Variants in RASGRP1 observed in about 807,000 individuals in gnomAD.
The protein encoded by RASGRP1 is RAS guanyl releasing protein 1.
Under a neutral mutation model 95.1 loss-of-function variants are expected in RASGRP1, and 37 were observed. The observed-to-expected ratio is 0.39, with a 90% CI of 0.30 to 0.51. RASGRP1 has a LOEUF of 0.51. RASGRP1 is among the 20% of genes least tolerant of loss of function. RASGRP1 has a pLI of 0.80. For missense variants in RASGRP1, 711 were observed against 965.4 expected (o/e 0.74, Z 3.49); for synonymous variants, 325 against 353.4 (o/e 0.92, Z 0.90).
chr15:38,512,465 G>A (rs1378054522), intron 7 of RASGRP1, among the ~76,000 whole-genome samples: 2 of 152,240 alleles, frequency 1.3e-5, no homozygotes, highest in African/African-American at 4.8e-5. Flanking sequence ...CCTTTCCTTT[G>A]CCATGTGGGC....
At chr15:38,562,393 A>G (rs1214072698) in intron 1 of RASGRP1, among the ~76,000 whole-genome samples, 1 of 152,182 alleles carries the variant, frequency 6.6e-6, no homozygotes, top group African/African-American at 2.4e-5. Flanking sequence ...CCTGGCCACC[A>G]CTGCAGAGAC....
At position 38,518,405 on chromosome 15, in the gene RASGRP1, G is replaced by A; in HGVS notation, c.408C>T (p.Phe136=). Residue 136 remains phenylalanine (F), a synonymous_variant, in exon 5 of 17, where the codon TTC becomes TTT. Coordinates refer to ENST00000310803, the MANE Select transcript of RASGRP1 (RefSeq NM_005739.4). ...TGGCGTCCATTTTAAACATGACCCA[G>A]AATTCTGTTATCCAATACCTACAAG... ...CYFVRYWITE[F]WVMFKMDASL... is the part of the protein sequence containing the mutation. 6.2e-7 allele frequency: 1 copy of A among 1,605,092 alleles called. No homozygotes were observed. Among genetic ancestry groups the A allele is most frequent in the South Asian group, 1.1e-5 (1 of 89,074 alleles).
intron 2 of RASGRP1, among the ~76,000 whole-genome samples, chr15:38,556,626 T>C (rs1426165194): frequency 6.6e-6 from 1 of 152,268 alleles, no homozygotes; most frequent in African/African-American, 2.4e-5. Flanking sequence ...AAGTGCTCTC[T>C]CCTCTGTCCA....
intron 1 of RASGRP1, 35 bp from the exon 2 acceptor site, chr15:38,560,040 G>A (rs757403100): frequency 5.2e-6 from 8 of 1,543,648 alleles, no homozygotes; most frequent in East Asian, 2.3e-5. Context: ...GGGGACAAAC[G>A]GGCAGCTCCA....
At chr15:38,515,450 G>C (rs1202874925) in intron 6 of RASGRP1, among the ~76,000 whole-genome samples, 2 of 152,188 alleles carry the variant, frequency 1.3e-5, no homozygotes, top group African/African-American at 2.4e-5. Context: ...CTGACATGTT[G>C]ACAAGTTCTC....
At chr15:38,510,206 C>G (rs1170125429) in intron 8 of RASGRP1, among the ~76,000 whole-genome samples, 5 of 152,194 alleles carry the variant, frequency 3.3e-5, no homozygotes, top group Non-Finnish European at 7.3e-5. Context: ...GTGGGGGGAC[C>G]CCAAGCTGAA....
intron 9 of RASGRP1, 102 bp downstream of exon 9, chr15:38,507,624 A>T: frequency 7.6e-7 from 1 of 1,315,710 alleles, no homozygotes; most frequent in East Asian, 2.5e-5. Context: ...TCTGCTTCAT[A>T]GAGCCTTTAT....
chr15:38,546,777 G>C (rs1893122090), intron 2 of RASGRP1, among the ~76,000 whole-genome samples: 1 of 152,070 alleles, frequency 6.6e-6, no homozygotes, highest in Non-Finnish European at 1.5e-5. Flanking sequence ...TAATATTCTG[G>C]GGAAGACACA....
rs927232130 is a variant in RASGRP1, at chr15:38,564,721, T to TC, written c.-94dup. The TC allele has an allele frequency of 1.5e-4, 158 of 1,076,720 alleles. No homozygotes were observed. In the African/African-American group the frequency reaches 2.1e-3, roughly 14 times the overall value. 66.7% of individuals were successfully genotyped at this position (1,076,720 alleles called of 1,614,324 possible). On this transcript the variant is annotated 5_prime_UTR_variant, in exon 1 of 17. Coordinates refer to ENST00000310803, the MANE Select transcript of RASGRP1 (RefSeq NM_005739.4). Reference sequence around the variant, plus strand: ...CCACCGCCGCCGCCTGCCGGCTCTCTCCCCCCCGGGCCTCGTAGCCCCGGC... The same window carrying TC: ...CCACCGCCGCCGCCTGCCGGCTCTCTCCCCCCCCGGGCCTCGTAGCCCCGGC...
At chr15:38,552,983 T>C (rs757407958) in intron 2 of RASGRP1, among the ~76,000 whole-genome samples, 1 of 152,216 alleles carries the variant, frequency 6.6e-6, no homozygotes, top group Non-Finnish European at 1.5e-5. Flanking sequence ...TCTGACTACA[T>C]AGTTGGTGGG....
intron 4 of RASGRP1, among the ~76,000 whole-genome samples, chr15:38,518,833 GA>G (rs1891888306): frequency 6.6e-6 from 1 of 152,122 alleles, no homozygotes; most frequent in Non-Finnish European, 1.5e-5. Context: ...AGTCTTTAAT[GA>G]CTAGAGAAGA....
chr15:38,515,847 T>C (rs1241690531), intron 6 of RASGRP1, among the ~76,000 whole-genome samples: 1 of 125,362 alleles, frequency 8.0e-6, no homozygotes, highest in Admixed American at 8.4e-5. Context: ...TTATCAGGGG[T>C]ATGAGGATTA....
chr15:38,498,701 TCAAACA>T, intron 15 of RASGRP1, 87 bp downstream of exon 15: 1 of 1,479,978 alleles, frequency 6.8e-7, no homozygotes, highest in Non-Finnish European at 9.1e-7. Flanking sequence ...ACATTTAAAC[TCAAACA>T]CAGAGTCATG....
In RASGRP1 at chr15:38,488,116, A is replaced by G. The variant is rs1038731993; in HGVS notation, c.*2438T>C. The G allele has an allele frequency of 2.0e-5, 3 of 152,054 alleles. No homozygotes were observed. The highest frequency in any genetic ancestry group is 1.9e-4 in the East Asian group (1 of 5,190). The allele number at this position is 152,054 out of a possible 1,614,324, so 9.4% of individuals were successfully genotyped here. On this transcript the variant is annotated 3_prime_UTR_variant, in exon 17 of 17. Transcript: ENST00000310803. ...AAGACATTTGTGTTGTAGGGATCCT[A>G]ATGTCTTTTATCATATAAATATTAC... is the stretch of plus-strand genomic sequence containing the variant.
chr15:38,526,545 T>C (rs1338731716), intron 2 of RASGRP1, 141 bp from the exon 3 acceptor site: 2 of 600,780 alleles, frequency 3.3e-6, no homozygotes, highest in Non-Finnish European at 5.9e-6. Flanking sequence ...ACAGCCCCCC[T>C]CTGTTTTTCT....
chr15:38,536,779 A>G (rs1329255975), intron 2 of RASGRP1, among the ~76,000 whole-genome samples: 1 of 152,232 alleles, frequency 6.6e-6, no homozygotes, highest in Non-Finnish European at 1.5e-5. Flanking sequence ...ACTGTTCTTT[A>G]ATTGCTTATA....
chr15:38,538,367 A>G (rs1422344640), intron 2 of RASGRP1, among the ~76,000 whole-genome samples: 1 of 152,240 alleles, frequency 6.6e-6, no homozygotes, highest in Non-Finnish European at 1.5e-5. Flanking sequence ...TGCAACACTG[A>G]AACTAACAAT....
Position 38,490,342 on chromosome 15 carries a change from A to T in RASGRP1, c.*212T>A, listed in dbSNP as rs1210335333. 8 of 410,064 alleles carry T rather than the reference A, an allele frequency of 2.0e-5. No individual in the cohort carries two copies. Among genetic ancestry groups the T allele is most frequent in the Non-Finnish European group, 3.3e-5 (8 of 241,514 alleles). The allele number at this position is 410,064 out of a possible 1,614,324, so 25.4% of individuals were successfully genotyped here. A position where few individuals can be genotyped will look rare whatever the true frequency, so the allele number is the denominator to read the frequency against. ...GTGGTATGAATAGCAAAAGTTTTGCATTCTTTAGTTTTCCCCCTTTGAGTC... is the reference window on the plus strand; with the variant it reads ...GTGGTATGAATAGCAAAAGTTTTGCTTTCTTTAGTTTTCCCCCTTTGAGTC... On this transcript the variant is annotated 3_prime_UTR_variant, in exon 17 of 17. Transcript: ENST00000310803.
chr15:38,561,004 T>G (rs1893786922), intron 1 of RASGRP1, among the ~76,000 whole-genome samples: 1 of 152,224 alleles, frequency 6.6e-6, no homozygotes, highest in Non-Finnish European at 1.5e-5. Flanking sequence ...ATCTATAATC[T>G]TTTATGGTTT....
Sources: gnomAD v4.1 joint callset for allele counts (sites outside exome capture counted in the v4.1 genomes callset) on GRCh38, gnomAD v4.1.1 for gene constraint, MANE v1.5 for transcripts, NCBI Gene and HGNC (gene_info 2026-07-23, HGNC 2026-07-21) for gene names.